Variants in ADAMTSL1 observed in about 807,000 individuals in gnomAD.
ADAMTSL1 encodes the protein ADAMTS-like protein 1.
In ADAMTSL1, 126 loss-of-function variants were observed where a neutral mutation model predicts 201.8. That is an observed-to-expected ratio of 0.62 (90% CI 0.54 to 0.72). ADAMTSL1 has a LOEUF of 0.72. Among genes scored for constraint, ADAMTSL1 ranks in the 30% least tolerant of loss-of-function variants. The probability of loss-of-function intolerance (pLI) is 0.00; values close to 1 mark genes in which losing one functional copy is unlikely to be tolerated. For synonymous variants in ADAMTSL1, 1,121 were observed against 903.4 expected, an observed-to-expected ratio of 1.24 and a Z score of -4.32; for missense variants, 2,679 against 2,277.8, an observed-to-expected ratio of 1.18 and a Z score of -3.59.
At position 18,906,868 on chromosome 9, in the gene ADAMTSL1, G is replaced by T. The variant is rs371054227; in HGVS notation, c.5138G>T (p.Arg1713Leu). The change falls in exon 28 of 29, where the codon CGG becomes CTG. Residue 1713 changes from arginine to leucine, a missense_variant. Transcript: ENST00000380548. ...GAGCACCTGTGCTCCTGGGGGCCCC[G>T]GCCTGCCAACTGGCAGCGCTGCAAC... ...VPEHLCSWGPRPANWQRCNIT... is the reference protein window; with the variant it reads ...VPEHLCSWGPLPANWQRCNIT... 6.2e-7 allele frequency: 1 copy of T among 1,613,832 alleles called. No homozygotes were observed.
chr9:18,386,150 A>G (rs1239819955), intron 2 of ADAMTSL1, among the ~76,000 whole-genome samples: 1 of 152,128 alleles, frequency 6.6e-6, no homozygotes, highest in African/African-American at 2.4e-5. Flanking sequence ...TTCTTTTAGG[A>G]CTCACTGTCT....
intron 1 of ADAMTSL1, among the ~76,000 whole-genome samples, chr9:18,048,965 A>G (rs1387669268): frequency 6.6e-6 from 1 of 152,150 alleles, no homozygotes; most frequent in African/African-American, 2.4e-5. Context: ...GGAGGCTTTG[A>G]GAGGAGGATC....
At chr9:18,255,318 C>A (rs1250143500) in intron 2 of ADAMTSL1, among the ~76,000 whole-genome samples, 2 of 151,792 alleles carry the variant, frequency 1.3e-5, no homozygotes, top group Non-Finnish European at 2.9e-5. Flanking sequence ...TGAGCGTTTG[C>A]TAGCATCTTT....
At chr9:18,835,193 T>G (rs754949605) in intron 23 of ADAMTSL1, among the ~76,000 whole-genome samples, 6 of 152,164 alleles carry the variant, frequency 3.9e-5, no homozygotes, top group Non-Finnish European at 7.4e-5. Context: ...TCATTGTGGT[T>G]TTAATTTGCA....
intron 1 of ADAMTSL1, among the ~76,000 whole-genome samples, chr9:17,961,787 C>A (rs1817764250): frequency 6.6e-6 from 1 of 152,132 alleles, no homozygotes; most frequent in African/African-American, 2.4e-5. Context: ...GAAGGCCTTT[C>A]CCATTTCTGC....
intron 26 of ADAMTSL1, among the ~76,000 whole-genome samples, chr9:18,896,783 G>C (rs754437780): frequency 3.9e-5 from 6 of 152,122 alleles, no homozygotes; most frequent in Admixed American, 6.5e-5. Context: ...TTGACACACA[G>C]AGCTGTGCAG....
intron 2 of ADAMTSL1, among the ~76,000 whole-genome samples, chr9:18,257,810 A>G (rs1026291499): frequency 1.3e-5 from 2 of 152,238 alleles, no homozygotes; most frequent in Non-Finnish European, 2.9e-5. Flanking sequence ...TGGTCATAAA[A>G]AGAAATGATT....
At chr9:18,134,475 G>C (rs939947371) in intron 1 of ADAMTSL1, among the ~76,000 whole-genome samples, 3 of 152,164 alleles carry the variant, frequency 2.0e-5, no homozygotes. Flanking sequence ...AGCCCTAAGA[G>C]TATAACGTCC....
At chr9:18,359,018 C>T (rs905579133) in intron 2 of ADAMTSL1, among the ~76,000 whole-genome samples, 4 of 152,124 alleles carry the variant, frequency 2.6e-5, no homozygotes, top group Non-Finnish European at 5.9e-5. Context: ...ACAGTTTGAA[C>T]ACTCTTCTCT....
intron 1 of ADAMTSL1, among the ~76,000 whole-genome samples, chr9:17,931,620 TTGCATAAGG>T (rs756674237): frequency 4.6e-5 from 7 of 152,190 alleles, no homozygotes; most frequent in Non-Finnish European, 1.0e-4. Flanking sequence ...TTTTTTCCTT[TTGCATAAGG>T]TGCAGTCTCA....
At chr9:18,862,771 C>T (rs1449480335) in intron 23 of ADAMTSL1, among the ~76,000 whole-genome samples, 2 of 152,130 alleles carry the variant, frequency 1.3e-5, no homozygotes, top group African/African-American at 4.8e-5. Context: ...GCCAGGCCTC[C>T]CTAGGGTCAT....
chr9:17,992,981 A>G (rs766479427), intron 1 of ADAMTSL1, among the ~76,000 whole-genome samples: 1 of 152,214 alleles, frequency 6.6e-6, no homozygotes, highest in African/African-American at 2.4e-5. Context: ...TAATCTATGT[A>G]AATTTATATT....
intron 2 of ADAMTSL1, among the ~76,000 whole-genome samples, chr9:18,316,183 GC>G (rs1401562414): frequency 2.0e-5 from 3 of 152,148 alleles, no homozygotes; most frequent in Admixed American, 2.0e-4. Context: ...ATATCACAAG[GC>G]AAGTGGAGGC....
chr9:18,504,787 C>G (rs772060822), intron 1 of ADAMTSL1, 42 bp from the exon 2 acceptor site: 5 of 1,614,028 alleles, frequency 3.1e-6, no homozygotes, highest in Non-Finnish European at 4.2e-6. Flanking sequence ...TTTCAGGGTT[C>G]CATGGGGGAT....
At chr9:18,833,994 T>C (rs2131282179) in intron 23 of ADAMTSL1, among the ~76,000 whole-genome samples, 1 of 152,284 alleles carries the variant, frequency 6.6e-6, no homozygotes, top group East Asian at 1.9e-4. Flanking sequence ...GATTAGATGG[T>C]AGTAGGTATA....
chr9:18,033,860 A>G (rs569085380), intron 1 of ADAMTSL1, among the ~76,000 whole-genome samples: 1 of 152,180 alleles, frequency 6.6e-6, no homozygotes, highest in Non-Finnish European at 1.5e-5. Flanking sequence ...ATAACCCAAC[A>G]TAGTAGATGT....
intron 20 of ADAMTSL1, among the ~76,000 whole-genome samples, 182 bp from the exon 21 acceptor site, chr9:18,816,927 C>T (rs190436459): frequency 3.6e-4 from 55 of 151,952 alleles, no homozygotes; most frequent in Non-Finnish European, 6.2e-4. Context: ...GACAACACTG[C>T]GGTAGGTAGG....
At chr9:18,325,291 G>A (rs1563887925) in intron 2 of ADAMTSL1, among the ~76,000 whole-genome samples, 1 of 152,184 alleles carries the variant, frequency 6.6e-6, no homozygotes, top group Non-Finnish European at 1.5e-5. Context: ...CATGCACAAA[G>A]TGTTCATACC....
intron 2 of ADAMTSL1, among the ~76,000 whole-genome samples, chr9:18,448,494 T>C (rs1820283453): frequency 6.6e-6 from 1 of 152,050 alleles, no homozygotes; most frequent in Non-Finnish European, 1.5e-5. Context: ...TAAAAGAATT[T>C]AGAAAATATC....
Sources: allele counts gnomAD v4.1 joint callset (sites outside exome capture counted in the v4.1 genomes callset), GRCh38; gene constraint gnomAD v4.1.1; transcripts MANE v1.5; gene names NCBI Gene and HGNC (gene_info 2026-07-23, HGNC 2026-07-21).